CDH12: variants seen among roughly 807,000 people sequenced by gnomAD.
CDH12 encodes cadherin-12.
In CDH12, 41 loss-of-function variants were observed where a neutral mutation model predicts 74.1. The observed-to-expected ratio is 0.55, with a 90% confidence interval of 0.43 to 0.72. CDH12 has a LOEUF of 0.72. CDH12 is among the 30% of genes least tolerant of loss of function. The pLI is 0.00. For missense variants in CDH12, 945 were observed against 977.2 expected, an observed-to-expected ratio of 0.97 and a Z score of 0.44; for synonymous variants, 399 against 355.0, an observed-to-expected ratio of 1.12 and a Z score of -1.39.
At chr5:22,097,278 C>G (rs1055274267) in intron 4 of CDH12, among the ~76,000 whole-genome samples, 5 of 152,210 alleles carry the variant, frequency 3.3e-5, no homozygotes, top group Non-Finnish European at 5.9e-5. Context: ...GGCTCTCTGA[C>G]TGACTCCTTC....
chr5:22,330,478 C>A (rs778697560), intron 3 of CDH12, among the ~76,000 whole-genome samples: 1 of 152,018 alleles, frequency 6.6e-6, no homozygotes, highest in Non-Finnish European at 1.5e-5. Flanking sequence ...AGGGGCCAAG[C>A]GTGGTGGCTC....
intron 1 of CDH12, among the ~76,000 whole-genome samples, chr5:22,829,459 A>G (rs1451624969): frequency 6.6e-6 from 1 of 152,198 alleles, no homozygotes; most frequent in Non-Finnish European, 1.5e-5. Context: ...GGATTGAATT[A>G]GTGGTCCCAG....
At chr5:22,218,158 A>T (rs1269891846) in intron 3 of CDH12, among the ~76,000 whole-genome samples, 1 of 151,796 alleles carries the variant, frequency 6.6e-6, no homozygotes, top group African/African-American at 2.4e-5. Flanking sequence ...ATATAAAAGG[A>T]TGCAATCACT....
intron 11 of CDH12, among the ~76,000 whole-genome samples, chr5:21,766,728 C>T (rs939098012): frequency 2.6e-5 from 4 of 151,870 alleles, no homozygotes; most frequent in Non-Finnish European, 5.9e-5. Flanking sequence ...CTTTACTTTT[C>T]TAAAGAAATT....
At chr5:21,883,089 G>A (rs1394831869) in intron 6 of CDH12, 35 of 1,605,966 alleles carry the variant, frequency 2.2e-5, no homozygotes, top group Non-Finnish European at 3.0e-5. Flanking sequence ...CACCCCTGAA[G>A]AAATTGCACA....
At chr5:22,481,957 A>T (rs1746401245) in intron 2 of CDH12, among the ~76,000 whole-genome samples, 1 of 152,212 alleles carries the variant, frequency 6.6e-6, no homozygotes, top group African/African-American at 2.4e-5. Context: ...ATATACATTA[A>T]TTATATGTTG....
At chr5:22,491,334 G>C (rs1746853635) in intron 2 of CDH12, among the ~76,000 whole-genome samples, 1 of 152,136 alleles carries the variant, frequency 6.6e-6, no homozygotes. Flanking sequence ...GTTGCAACTG[G>C]AGGCTGTTAT....
chr5:21,996,517 A>G (rs1307703741), intron 5 of CDH12, among the ~76,000 whole-genome samples: 2 of 152,172 alleles, frequency 1.3e-5, no homozygotes, highest in Non-Finnish European at 1.5e-5. Flanking sequence ...GATTTCCCCA[A>G]TATCTTCCAT....
intron 1 of CDH12, among the ~76,000 whole-genome samples, chr5:22,531,677 T>G (rs1419106987): frequency 6.6e-6 from 1 of 152,082 alleles, no homozygotes; most frequent in Non-Finnish European, 1.5e-5. Context: ...AAATAATATG[T>G]AGATTGCAGG....
chr5:22,262,506 A>G (rs5002613), intron 3 of CDH12, among the ~76,000 whole-genome samples: 63,500 of 150,508 alleles, frequency 0.42, 14,279 homozygotes, highest in Admixed American at 0.53. Flanking sequence ...TTCTTAATCC[A>G]GTCTATCATT....
At chr5:22,311,916 A>G (rs1738411156) in intron 3 of CDH12, among the ~76,000 whole-genome samples, 1 of 152,174 alleles carries the variant, frequency 6.6e-6, no homozygotes, top group East Asian at 1.9e-4. Flanking sequence ...ACATTTTTAA[A>G]TTAATTTTTA....
intron 4 of CDH12, among the ~76,000 whole-genome samples, chr5:22,086,482 T>C (rs1045768205): frequency 2.0e-4 from 30 of 152,248 alleles, no homozygotes; most frequent in African/African-American, 7.2e-4. Flanking sequence ...TAGCTGGGAT[T>C]ACAGGCACGT....
chr5:22,054,079 A>G (rs1740572947), intron 5 of CDH12, among the ~76,000 whole-genome samples: 2 of 151,812 alleles, frequency 1.3e-5, no homozygotes, highest in African/African-American at 4.8e-5. Context: ...TCCTATGATG[A>G]TGTAGTTTTT....
intron 4 of CDH12, among the ~76,000 whole-genome samples, chr5:22,099,708 C>G (rs1156313828): frequency 1.3e-5 from 2 of 152,288 alleles, no homozygotes; most frequent in East Asian, 3.9e-4. Context: ...TGGTGCTACC[C>G]CCAAACTGCC....
At chr5:22,094,865 C>G (rs1474099826) in intron 4 of CDH12, among the ~76,000 whole-genome samples, 1 of 152,186 alleles carries the variant, frequency 6.6e-6, no homozygotes, top group Admixed American at 6.5e-5. Flanking sequence ...TTGTGACCCC[C>G]ACTCCTGCAC....
At chr5:22,765,168 C>T (rs183747143) in intron 1 of CDH12, among the ~76,000 whole-genome samples, 8 of 151,990 alleles carry the variant, frequency 5.3e-5, no homozygotes, top group Non-Finnish European at 1.0e-4. Flanking sequence ...TCTCTACTTA[C>T]CTCATCACAA....
At chr5:22,629,150 C>A (rs1738450447) in intron 1 of CDH12, among the ~76,000 whole-genome samples, 2 of 152,002 alleles carry the variant, frequency 1.3e-5, no homozygotes, top group African/African-American at 2.4e-5. Context: ...GATGGATGCA[C>A]AGCCAGGTTA....
At chr5:21,755,496 A>T in intron 14 of CDH12, 95 bp downstream of exon 14, 1 of 1,089,564 alleles carries the variant, frequency 9.2e-7, no homozygotes, top group Non-Finnish European at 1.3e-6. Context: ...AAACTTGTTT[A>T]CATGATAAAT....
At chr5:21,783,633 A>G in intron 10 of CDH12, 139 bp from the exon 11 acceptor site, 1 of 639,472 alleles carries the variant, frequency 1.6e-6, no homozygotes, top group Non-Finnish European at 2.7e-6. Flanking sequence ...TGTAAATGAC[A>G]GCTTCTTTAT....
Sources: gnomAD v4.1 joint callset for allele counts (sites outside exome capture counted in the v4.1 genomes callset) on GRCh38, gnomAD v4.1.1 for gene constraint, MANE v1.5 for transcripts, NCBI Gene and HGNC (gene_info 2026-07-23, HGNC 2026-07-21) for gene names.